VRTN: variants seen among roughly 807,000 people sequenced by gnomAD.
VRTN encodes the protein vertnin.
In VRTN, 5 loss-of-function variants were observed where a neutral mutation model predicts 18.2. The ratio of observed to expected loss-of-function variants is 0.27; its 90% CI spans 0.14 to 0.58. The LOEUF (loss-of-function observed/expected upper bound fraction) is 0.58, where lower values mean the gene tolerates loss of function less well. VRTN is among the 20% of genes least tolerant of loss of function. The probability of loss-of-function intolerance (pLI) is 0.91; values close to 1 mark genes in which losing one functional copy is unlikely to be tolerated. For missense variants in VRTN, 741 were observed against 939.4 expected (o/e 0.79, Z 2.76); for synonymous variants, 381 against 393.7 (o/e 0.97, Z 0.38).
chr14:74,333,431 A>G (rs1467215560), intron 1 of VRTN, among the ~76,000 whole-genome samples: 1 of 151,894 alleles, frequency 6.6e-6, no homozygotes. Flanking sequence ...TCAAGGCTGC[A>G]GTGAGCCAAG....
intron 1 of VRTN, among the ~76,000 whole-genome samples, chr14:74,332,326 T>C (rs1471047554): frequency 1.6e-5 from 2 of 125,946 alleles, no homozygotes; most frequent in African/African-American, 3.0e-5. Context: ...GAGGATCGAC[T>C]CCTAATCTGT....
chr14:74,310,701 C>G (rs1217627188), intron 1 of VRTN, among the ~76,000 whole-genome samples: 1 of 151,850 alleles, frequency 6.6e-6, no homozygotes, highest in African/African-American at 2.4e-5. Flanking sequence ...CCATGCCTGG[C>G]TAAATTTTGT....
intron 1 of VRTN, among the ~76,000 whole-genome samples, chr14:74,349,288 G>A (rs1413792900): frequency 6.6e-6 from 1 of 151,744 alleles, no homozygotes; most frequent in African/African-American, 2.4e-5. Flanking sequence ...TGGCCTCCAG[G>A]GCCACCGGGG....
chr14:74,334,899 C>T (rs1307481633), intron 1 of VRTN, among the ~76,000 whole-genome samples: 1 of 152,142 alleles, frequency 6.6e-6, no homozygotes, highest in African/African-American at 2.4e-5. Flanking sequence ...GTCTTCACAT[C>T]ACCATTGAGT....
Position 74,306,769 on chromosome 14 carries a change from GT to G in VRTN, c.-164+3608del, listed in dbSNP as rs879942939. Among the ~76,000 whole-genome samples the G allele has an allele frequency of 4.1e-3, 587 of 142,624 alleles. 4 individuals carry two copies. Among genetic ancestry groups the G allele is most frequent in the African/African-American group, 0.012 (451 of 39,170 alleles). The allele number at this position is 142,624 out of a possible 152,430, so 93.6% of individuals were successfully genotyped here. ...GCCAACATGCCTAGCTAATTTTTAA[GT>G]TTTTTTTTTTTTTTAAATAGAGATG... On this transcript the variant is annotated intron_variant, in intron 1 of 2. Transcript: ENST00000557177.
chr14:74,347,644 C>T (rs2140209733), upstream of VRTN, among the ~76,000 whole-genome samples: 1 of 152,324 alleles, frequency 6.6e-6, no homozygotes, highest in South Asian at 2.1e-4. Flanking sequence ...GAAGCTGCCA[C>T]CAAGGCTGCA....
chr14:74,324,111 G>A (rs897242960), intron 1 of VRTN, among the ~76,000 whole-genome samples: 8 of 151,996 alleles, frequency 5.3e-5, no homozygotes, highest in East Asian at 1.9e-4. Context: ...ATAAGAGGCC[G>A]GGCATGGTGA....
intron 1 of VRTN, among the ~76,000 whole-genome samples, chr14:74,355,845 T>TC (rs1491135938): frequency 1.3e-5 from 2 of 151,782 alleles, no homozygotes. Context: ...TTTTTTTTTT[T>TC]TCTGAGACAG....
At chr14:74,303,725 T>C (rs2085195973) in intron 1 of VRTN, among the ~76,000 whole-genome samples, 1 of 151,940 alleles carries the variant, frequency 6.6e-6, no homozygotes, top group South Asian at 2.1e-4. Flanking sequence ...TCTTCTCACT[T>C]TCCTCCAATC....
chr14:74,356,726 A>G, intron 1 of VRTN, 57 bp from the exon 2 acceptor site: 1 of 1,515,720 alleles, frequency 6.6e-7, no homozygotes, highest in Non-Finnish European at 8.8e-7. Context: ...CACCTTTGCT[A>G]GTCATCATCT....
intron 1 of VRTN, among the ~76,000 whole-genome samples, chr14:74,319,329 G>A (rs982658585): frequency 6.6e-6 from 1 of 152,182 alleles, no homozygotes; most frequent in Non-Finnish European, 1.5e-5. Context: ...CCCGGCCCGC[G>A]CCTGGCCCCC....
intron 1 of VRTN, among the ~76,000 whole-genome samples, chr14:74,331,567 T>TAC: frequency 1.0e-5 from 1 of 97,956 alleles, no homozygotes; most frequent in Non-Finnish European, 2.1e-5. Context: ...TATATATATA[T>TAC]ATATATATAT....
At position 74,354,510 on chromosome 14, in the gene VRTN, T is replaced by G. The variant is rs572745110; in HGVS notation, c.-1-2273T>G. ...GCCTCTGCCTCCCGGGTTCAAGCAA[T>G]TCTCCTGCCTCAGCCTCCTGAGTAG... On this transcript the variant is annotated intron_variant, in intron 1 of 1. Coordinates refer to ENST00000256362, the MANE Select transcript of VRTN (RefSeq NM_018228.3). 3.9e-5 allele frequency among the ~76,000 whole-genome samples: 6 copies of G among 151,902 alleles called. No individual in the cohort carries two copies. In the South Asian group the frequency reaches 1.3e-3, roughly 32 times the overall value.
chr14:74,321,328 A>G (rs1243699409), intron 1 of VRTN, among the ~76,000 whole-genome samples: 1 of 152,158 alleles, frequency 6.6e-6, no homozygotes, highest in Non-Finnish European at 1.5e-5. Flanking sequence ...TTTAACCTGC[A>G]CACCCAACCA....
Position 74,358,210 on chromosome 14 carries a change from A to G in VRTN, c.1427A>G (p.Lys476Arg). Reference protein sequence around the residue: ...SVGEGAVIPWKSEAEEGAGNA... With the variant: ...SVGEGAVIPWRSEAEEGAGNA... ...GGGGAAGGGGCTGTAATTCCTTGGA[A>G]GAGTGAGGCGGAAGAGGGGGCAGGG... Residue 476 changes from lysine to arginine, a missense_variant, in exon 2 of 2, where the codon AAG (lysine) becomes AGG (arginine). Lys to Arg is a conservative substitution (Grantham distance 26). Around this residue, in one of 3 missense-constraint regions of VRTN, gnomAD observed 494 missense variants for 546.5 expected, o/e 0.90. Coordinates refer to ENST00000256362, the MANE Select transcript of VRTN (RefSeq NM_018228.3). This position sits in a 1 kb window ranked among gnomAD's most constrained non-coding sequence, Gnocchi z 5.4. 1 of 1,613,078 alleles carries G rather than the reference A, an allele frequency of 6.2e-7. No homozygotes were observed. The highest frequency in any genetic ancestry group is 2.2e-5 in the East Asian group (1 of 44,852).
At chr14:74,342,086 G>A (rs2085608992) in intron 2 of VRTN, among the ~76,000 whole-genome samples, 1 of 152,080 alleles carries the variant, frequency 6.6e-6, no homozygotes, top group Non-Finnish European at 1.5e-5. Context: ...CGTCAGTCCA[G>A]GAGTTTGAGA....
At chr14:74,324,782 G>A (rs2085478647) in intron 1 of VRTN, among the ~76,000 whole-genome samples, 2 of 152,130 alleles carry the variant, frequency 1.3e-5, no homozygotes, top group Non-Finnish European at 2.9e-5. Context: ...AGCTACTCAG[G>A]AGGCTGAGGC....
chr14:74,331,837 A>G (rs2085527643), intron 1 of VRTN, among the ~76,000 whole-genome samples: 1 of 151,934 alleles, frequency 6.6e-6, no homozygotes, highest in African/African-American at 2.4e-5. Context: ...AGCTAGAAGT[A>G]AAAGCCCAGT....
intron 2 of VRTN, among the ~76,000 whole-genome samples, chr14:74,339,429 G>T (rs2085585861): frequency 6.8e-6 from 1 of 146,708 alleles, no homozygotes; most frequent in African/African-American, 2.6e-5. Flanking sequence ...GGGGAGTAAA[G>T]GTCTCAGTCC....
Sources: gnomAD v4.1 joint callset for allele counts (sites outside exome capture counted in the v4.1 genomes callset) on GRCh38, gnomAD v4.1.1 for gene constraint, gnomAD v4.1.1 regional missense constraint, Gnocchi (gnomAD v3.1) non-coding constraint, MANE v1.5 for transcripts, NCBI Gene and HGNC (gene_info 2026-07-23, HGNC 2026-07-21) for gene names.